ERG: variants seen among roughly 807,000 people sequenced by gnomAD.
ERG encodes ETS transcription factor ERG.
ERG carries 9 observed loss-of-function variants against 55.3 expected under a neutral mutation model. That is an observed-to-expected ratio of 0.16 (90% confidence interval 0.10 to 0.28). ERG has a LOEUF of 0.28. Among genes scored for constraint, ERG ranks in the 10% least tolerant of loss-of-function variants. The probability of loss-of-function intolerance (pLI) is 1.00; values close to 1 mark genes in which losing one functional copy is unlikely to be tolerated. For synonymous variants in ERG, 223 were observed against 237.3 expected, an observed-to-expected ratio of 0.94 and a Z score of 0.55; for missense variants, 434 against 631.6, an observed-to-expected ratio of 0.69 and a Z score of 3.35.
chr21:38,522,827 C>T (rs2059604263), intron 2 of ERG, among the ~76,000 whole-genome samples: 1 of 152,192 alleles, frequency 6.6e-6, no homozygotes, highest in Non-Finnish European at 1.5e-5. Context: ...AGAGTTGTTA[C>T]TCTCATGTGA....
rs1343584142 is a variant in ERG, at chr21:38,440,548, T to C, written c.236+4856A>G. On this transcript the variant is annotated intron_variant, in intron 2 of 9. Coordinates refer to ENST00000288319, the MANE Select transcript of ERG (RefSeq NM_182918.4). ...AAAGAGCCCATAGTGAGGCCGGGCA[T>C]GGTGGCTCACGCTTGTAATCCCAGC... Among the ~76,000 whole-genome samples, 6 of 152,042 alleles carry C rather than the reference T, an allele frequency of 3.9e-5. 1 individual carries two copies. The highest frequency in any genetic ancestry group is 1.5e-5 in the Non-Finnish European group (1 of 68,010).
At chr21:38,524,501 C>A (rs1272487035) in intron 2 of ERG, among the ~76,000 whole-genome samples, 1 of 152,186 alleles carries the variant, frequency 6.6e-6, no homozygotes, top group Non-Finnish European at 1.5e-5. Flanking sequence ...AATTACTCAG[C>A]CTCAGACATC....
At chr21:38,609,428 C>T (rs762741607) in intron 1 of ERG, among the ~76,000 whole-genome samples, 6 of 151,358 alleles carry the variant, frequency 4.0e-5, no homozygotes, top group Non-Finnish European at 7.4e-5. Flanking sequence ...CACAATAACT[C>T]GACACTGGAA....
intron 1 of ERG, among the ~76,000 whole-genome samples, chr21:38,660,871 G>T (rs976288280): frequency 6.6e-6 from 1 of 151,954 alleles, no homozygotes; most frequent in Non-Finnish European, 1.5e-5. Context: ...CCGTGTGCGC[G>T]TGGGTGTGGG....
At chr21:38,618,442 C>T (rs1322936837) in intron 1 of ERG, among the ~76,000 whole-genome samples, 1 of 152,190 alleles carries the variant, frequency 6.6e-6, no homozygotes, top group Non-Finnish European at 1.5e-5. Flanking sequence ...CTCTAATAGA[C>T]CTTTTCTGGC....
At chr21:38,491,900 G>C (rs2059339349) in intron 1 of ERG, among the ~76,000 whole-genome samples, 1 of 152,236 alleles carries the variant, frequency 6.6e-6, no homozygotes, top group South Asian at 2.1e-4. Flanking sequence ...TTCAGTGCTA[G>C]AGTTTTACCT....
intron 2 of ERG, among the ~76,000 whole-genome samples, chr21:38,545,297 C>T (rs2146804738): frequency 6.6e-6 from 1 of 152,320 alleles, no homozygotes; most frequent in Admixed American, 6.5e-5. Flanking sequence ...GGACCTCCCA[C>T]TCTTGGGATT....
chr21:38,396,535 G>C (rs1431588116), intron 6 of ERG, among the ~76,000 whole-genome samples: 1 of 152,244 alleles, frequency 6.6e-6, no homozygotes, highest in Non-Finnish European at 1.5e-5. Flanking sequence ...TAGAAGCAAA[G>C]GCTGCATTTG....
chr21:38,437,938 C>T (rs1235648189), intron 2 of ERG, among the ~76,000 whole-genome samples: 2 of 152,174 alleles, frequency 1.3e-5, no homozygotes, highest in Non-Finnish European at 2.9e-5. Flanking sequence ...GCCTCAAGTC[C>T]CCTAATGATT....
upstream of ERG, among the ~76,000 whole-genome samples, chr21:38,499,614 G>A (rs557610439): frequency 2.0e-5 from 3 of 152,056 alleles, no homozygotes; most frequent in Admixed American, 1.3e-4. Context: ...ACTTTAGGCC[G>A]GCATGTGTCA....
In ERG at chr21:38,658,482, T is replaced by C. The variant is rs558027958; in HGVS notation, c.-150+3176A>G. On this transcript the variant is annotated intron_variant, in intron 1 of 10. Transcript: ENST00000398910. The stretch of plus-strand genomic sequence containing the variant: ...GTTTTTGCCTGGGAATAGGAAACGA[T>C]TCCAGAAACATTAGCTCTTCTGTTT... Among the ~76,000 whole-genome samples, 7 of 152,356 alleles carry C rather than the reference T, an allele frequency of 4.6e-5. No individual in the cohort carries two copies. The South Asian group carries it at 1.5e-3, about 32-fold the overall frequency.
chr21:38,547,770 C>G (rs1286201551), intron 2 of ERG, among the ~76,000 whole-genome samples: 8 of 152,274 alleles, frequency 5.3e-5, no homozygotes, highest in Non-Finnish European at 5.9e-5. Flanking sequence ...TCTTAACCAT[C>G]AAAATAGTTC....
At chr21:38,442,179 G>T (rs1354216500) in intron 2 of ERG, among the ~76,000 whole-genome samples, 2 of 152,120 alleles carry the variant, frequency 1.3e-5, no homozygotes, top group Non-Finnish European at 2.9e-5. Flanking sequence ...GCCAAGATGG[G>T]TGGATTGAGT....
At chr21:38,590,251 G>C (rs998306122) in intron 1 of ERG, among the ~76,000 whole-genome samples, 1 of 152,134 alleles carries the variant, frequency 6.6e-6, no homozygotes, top group African/African-American at 2.4e-5. Flanking sequence ...AATGTGGTGA[G>C]GGTCACAAGA....
intron 1 of ERG, among the ~76,000 whole-genome samples, chr21:38,463,778 G>C (rs930375890): frequency 3.3e-5 from 5 of 152,238 alleles, no homozygotes; most frequent in African/African-American, 1.2e-4. Context: ...CTGAAACTGA[G>C]GAAATTCCCA....
At chr21:38,468,756 C>T (rs1000610243) in intron 1 of ERG, among the ~76,000 whole-genome samples, 1 of 152,030 alleles carries the variant, frequency 6.6e-6, no homozygotes. Context: ...GAGGCCGAGG[C>T]AGGCGGATCA....
intron 1 of ERG, among the ~76,000 whole-genome samples, chr21:38,583,471 G>C (rs1402724453): frequency 4.3e-5 from 6 of 141,140 alleles, no homozygotes; most frequent in African/African-American, 1.5e-4. Flanking sequence ...AAGACAGCAT[G>C]AGAAACTGAA....
chr21:38,521,120 C>T (rs1490350135), intron 2 of ERG, among the ~76,000 whole-genome samples: 1 of 152,128 alleles, frequency 6.6e-6, no homozygotes, highest in Non-Finnish European at 1.5e-5. Context: ...GCCGACAGCA[C>T]AGAGTCGAGG....
rs746001963 is a variant in ERG, at chr21:38,383,659, A to T, written c.1184T>A (p.Ile395Asn). 1 of 1,614,118 alleles carries T rather than the reference A, an allele frequency of 6.2e-7. No homozygotes were observed. ...GGGGTGGGGCTGGAGGGCCTGGGCG[A>T]TCCCGTGGAAGTCGAACTTGTAGGC... The part of the protein sequence containing the change: ...RYAYKFDFHG[I>N]AQALQPHPPE... The change falls in exon 10 of 10, where the codon ATC becomes AAC. Residue 395 changes from isoleucine to asparagine, a missense_variant. Physicochemically the swap from Ile to Asn is moderately radical, Grantham distance 149 (BLOSUM62 -3). Coordinates refer to ENST00000288319, the MANE Select transcript of ERG (RefSeq NM_182918.4). The surrounding 1 kb of genome is among the most constrained non-coding windows in gnomAD (Gnocchi z 5.7).
Sources: allele counts gnomAD v4.1 joint callset (sites outside exome capture counted in the v4.1 genomes callset), GRCh38; gene constraint gnomAD v4.1.1; non-coding constraint Gnocchi (gnomAD v3.1); transcripts MANE v1.5; gene names NCBI Gene and HGNC (gene_info 2026-07-23, HGNC 2026-07-21).